COA8: variants seen among roughly 807,000 people sequenced by gnomAD.
COA8 encodes the protein cytochrome c oxidase assembly factor 8.
COA8 carries 20 observed loss-of-function variants against 22.0 expected under a neutral mutation model. The ratio of observed to expected loss-of-function variants is 0.91; its 90% CI spans 0.64 to 1.32. The LOEUF (loss-of-function observed/expected upper bound fraction) is 1.32, where lower values mean the gene tolerates loss of function less well. Ranked by LOEUF, COA8 falls within the 40% of genes most tolerant of loss-of-function variation. The pLI, the probability that COA8 is intolerant of heterozygous loss-of-function variation, is 0.00. For missense variants in COA8, 266 were observed against 230.0 expected, an observed-to-expected ratio of 1.16 and a Z score of -1.01; for synonymous variants, 105 against 79.9, an observed-to-expected ratio of 1.31 and a Z score of -1.68.
intron 2 of COA8, among the ~76,000 whole-genome samples, chr14:103,572,364 A>G (rs899537421): frequency 6.6e-6 from 1 of 152,174 alleles, no homozygotes; most frequent in Non-Finnish European, 1.5e-5. Flanking sequence ...GAAGGATGCA[A>G]TGTGTGAGCA....
At chr14:103,573,813 A>G (rs1328302476) in intron 2 of COA8, among the ~76,000 whole-genome samples, 1 of 152,190 alleles carries the variant, frequency 6.6e-6, no homozygotes, top group African/African-American at 2.4e-5. Context: ...TCGTCCTCCC[A>G]AAGTGCTGGC....
chr14:103,580,677 A>G (rs1395892957), intron 3 of COA8, among the ~76,000 whole-genome samples: 1 of 151,248 alleles, frequency 6.6e-6, no homozygotes, highest in Non-Finnish European at 1.5e-5. Flanking sequence ...TTGTATTTTT[A>G]GTAGAGATGA....
intron 3 of COA8, among the ~76,000 whole-genome samples, chr14:103,576,981 T>C (rs1374064457): frequency 1.3e-5 from 2 of 152,200 alleles, no homozygotes; most frequent in Non-Finnish European, 2.9e-5. Context: ...CAGGAAAAGC[T>C]GCCACAAATA....
intron 1 of COA8, 40 bp downstream of exon 1, chr14:103,563,164 C>A (rs989717807): frequency 6.5e-7 from 1 of 1,538,482 alleles, no homozygotes. Context: ...GGAGGGGTGA[C>A]CGGAAGGGAA....
At chr14:103,575,818 G>C (rs905221722) in intron 3 of COA8, among the ~76,000 whole-genome samples, 2 of 152,048 alleles carry the variant, frequency 1.3e-5, no homozygotes, top group African/African-American at 4.8e-5. Flanking sequence ...TCCCACTTCA[G>C]CCTCCCAAGT....
At chr14:103,568,468 C>T (rs2076151976) in intron 1 of COA8, among the ~76,000 whole-genome samples, 1 of 147,858 alleles carries the variant, frequency 6.8e-6, no homozygotes, top group Non-Finnish European at 1.5e-5. Flanking sequence ...TACATACATA[C>T]ACACACACAT....
intron 1 of COA8, among the ~76,000 whole-genome samples, chr14:103,566,413 C>T (rs1214355670): frequency 6.6e-6 from 1 of 152,176 alleles, no homozygotes; most frequent in Non-Finnish European, 1.5e-5. Context: ...GACCAAGACT[C>T]ATTCTCAAAA....
chr14:103,567,417 C>T lies in COA8; in HGVS notation c.124-4206C>T, dbSNP rs545184384. 6 of 150,700 alleles carry T rather than the reference C, an allele frequency of 4.0e-5. No individual in the cohort carries two copies. In the South Asian group the frequency reaches 8.5e-4, roughly 21 times the overall value. 9.3% of individuals were successfully genotyped at this position (150,700 alleles called of 1,614,324 possible). A position where few individuals can be genotyped will look rare whatever the true frequency, so the allele number is the denominator to read the frequency against. On this transcript the variant is annotated intron_variant, in intron 1 of 4. Transcript: ENST00000409074. ...AATTTTTTTTTGTAGCTTTGCACAG[C>T]GGCAGTATTGTAGCCAATGAGATTT...
rs560664070 is a variant in COA8, at chr14:103,573,442, A to G, written c.322-665A>G. Among the ~76,000 whole-genome samples, 19 of 152,186 alleles carry G rather than the reference A, an allele frequency of 1.2e-4. No individual in the cohort carries two copies. In the South Asian group the frequency reaches 3.9e-3, roughly 32 times the overall value. ...TGCCTTGGCCTCCCAAAGTGCTGGGATTACAGGCATGAGCCATCGTGCCCG... is the reference window on the plus strand; with the variant it reads ...TGCCTTGGCCTCCCAAAGTGCTGGGGTTACAGGCATGAGCCATCGTGCCCG... On this transcript the variant is annotated intron_variant, in intron 2 of 4. Coordinates refer to ENST00000409074, the MANE Select transcript of COA8 (RefSeq NM_001370595.2).
At chr14:103,574,534 G>A in intron 3 of COA8, 1 of 465,256 alleles carries the variant, frequency 2.1e-6, no homozygotes, top group Middle Eastern at 3.2e-4. Context: ...TTTTCTCCTG[G>A]TGTCAGTGTT....
chr14:103,563,222 A>T, intron 1 of COA8, 98 bp downstream of exon 1: 2 of 1,467,010 alleles, frequency 1.4e-6, no homozygotes, highest in Non-Finnish European at 9.2e-7. Context: ...CAGCCGCCTC[A>T]GGCCTTTGTC....
chr14:103,566,450 A>G (rs967714575), intron 1 of COA8, among the ~76,000 whole-genome samples: 2 of 152,194 alleles, frequency 1.3e-5, no homozygotes, highest in Non-Finnish European at 2.9e-5. Flanking sequence ...GCCATTGCAT[A>G]TTGATTTAAA....
At chr14:103,563,419 A>AT in intron 1 of COA8, 1 of 528,332 alleles carries the variant, frequency 1.9e-6, no homozygotes, top group Non-Finnish European at 3.5e-6. Flanking sequence ...GAGAATGATT[A>AT]TTTTTTATTT....
intron 1 of COA8, among the ~76,000 whole-genome samples, chr14:103,566,121 A>G (rs1357955784): frequency 6.6e-6 from 1 of 152,062 alleles, no homozygotes; most frequent in African/African-American, 2.4e-5. Context: ...TAGAGTTACT[A>G]AACTGGTAAA....
chr14:103,571,698 C>G lies in COA8; in HGVS notation c.199C>G (p.Pro67Ala), dbSNP rs372830784. ...CCCAGATAAATATTCAAACCTTCGACCTGTTCACTTTTACATACCTGAAAA... is the reference window on the plus strand; with the variant it reads ...CCCAGATAAATATTCAAACCTTCGAGCTGTTCACTTTTACATACCTGAAAA... ...GPPDKYSNLRPVHFYIPENES... is the reference protein window; with the variant it reads ...GPPDKYSNLRAVHFYIPENES... The change falls in exon 2 of 5, where the codon CCT (proline) becomes GCT (alanine). Residue 67 changes from proline (P) to alanine (A), a missense_variant. Pro to Ala is a conservative substitution (Grantham distance 27). Coordinates refer to ENST00000409074, the MANE Select transcript of COA8 (RefSeq NM_001370595.2). The G allele has an allele frequency of 6.2e-7, 1 of 1,614,166 alleles. No individual in the cohort carries two copies. Among genetic ancestry groups the G allele is most frequent in the Non-Finnish European group, 8.5e-7 (1 of 1,180,014 alleles).
intron 1 of COA8, among the ~76,000 whole-genome samples, chr14:103,565,055 G>A (rs542271279): frequency 7.2e-4 from 109 of 152,276 alleles, no homozygotes; most frequent in African/African-American, 2.6e-3. Flanking sequence ...CTGGGTTCAA[G>A]CAATTCTCCT....
At chr14:103,588,481 AT>A (rs138708766) in intron 4 of COA8, among the ~76,000 whole-genome samples, 25,634 of 145,906 alleles carry the variant, frequency 0.18, 2,585 homozygotes, top group Middle Eastern at 0.24. Flanking sequence ...AATTAAAAAA[AT>A]ATATATATAT....
chr14:103,577,401 A>G (rs2076237209), intron 3 of COA8, among the ~76,000 whole-genome samples: 1 of 152,154 alleles, frequency 6.6e-6, no homozygotes, highest in Non-Finnish European at 1.5e-5. Flanking sequence ...ACAAGAAGTC[A>G]TCATTTCATG....
chr14:103,563,364 G>A (rs764284885), intron 1 of COA8: 3 of 683,710 alleles, frequency 4.4e-6, no homozygotes, highest in Admixed American at 4.2e-5. Context: ...ACCTTTAAGC[G>A]TAACAGAGTC....
Sources: gnomAD v4.1 joint callset for allele counts (sites outside exome capture counted in the v4.1 genomes callset) on GRCh38, gnomAD v4.1.1 for gene constraint, MANE v1.5 for transcripts, NCBI Gene and HGNC (gene_info 2026-07-23, HGNC 2026-07-21) for gene names.